The following CTPS2 variants were observed in gnomAD, a reference collection of about 807,000 sequenced individuals.
CTPS2 encodes the protein CTP synthase 2.
A neutral mutation model predicts 46.8 loss-of-function variants in CTPS2; 19 were observed. That is an observed-to-expected ratio of 0.41 (90% CI 0.28 to 0.60). The LOEUF (loss-of-function observed/expected upper bound fraction) is 0.60, where lower values mean the gene tolerates loss of function less well. Ranked by LOEUF, CTPS2 falls within the 20% of genes least tolerant of loss-of-function variation. CTPS2 has a pLI of 0.35. For missense variants in CTPS2, 286 were observed against 447.6 expected (o/e 0.64, Z 3.26); for synonymous variants, 151 against 165.2 (o/e 0.91, Z 0.66).
chrX:16,680,060 C>T (rs975158937), intron 9 of CTPS2, among the ~76,000 whole-genome samples: 5 of 110,963 alleles, frequency 4.5e-5, no homozygotes, highest in Non-Finnish European at 7.6e-5. Flanking sequence ...GAAACCAGCC[C>T]GGAAGCCGCT....
intron 15 of CTPS2, 68 bp downstream of exon 15, chrX:16,620,209 G>T: frequency 1.1e-6 from 1 of 928,643 alleles, no homozygotes; most frequent in Non-Finnish European, 1.5e-6. Flanking sequence ...CAGAGGCTCA[G>T]CTTGTAATCA....
At position 16,636,741 on chromosome X, in the gene CTPS2, G is replaced by A. The variant is rs188158986; in HGVS notation, c.1393+2406C>T. Among the ~76,000 whole-genome samples the A allele has an allele frequency of 3.5e-3, 383 of 110,338 alleles. 2 individuals are homozygous for A. The highest frequency in any genetic ancestry group is 0.012 in the African/African-American group (347 of 30,162). On this transcript the variant is annotated intron_variant, in intron 14 of 18. Coordinates refer to ENST00000359276, the MANE Select transcript of CTPS2 (RefSeq NM_175859.3). ...AGATCAAGACTATCCCGGCTAACAC[G>A]GTGAAACCCCATCTCTACTAAAAAT...
At chrX:16,672,564 G>A (rs1054941119) in intron 10 of CTPS2, among the ~76,000 whole-genome samples, 1 of 111,733 alleles carries the variant, frequency 8.9e-6, no homozygotes, top group African/African-American at 3.3e-5. Context: ...TTGCCAGTAA[G>A]ATATTGGGTG....
chrX:16,679,124 G>A (rs1468586364), intron 9 of CTPS2, among the ~76,000 whole-genome samples: 1 of 111,122 alleles, frequency 9.0e-6, no homozygotes, highest in African/African-American at 3.3e-5. Flanking sequence ...TTGGGAGGCC[G>A]AGGTGGGCAG....
chrX:16,659,445 AAC>A (rs1163568461), intron 13 of CTPS2, among the ~76,000 whole-genome samples: 1 of 110,850 alleles, frequency 9.0e-6, no homozygotes, highest in Non-Finnish European at 1.9e-5. Context: ...AGCCCAAGCA[AAC>A]ACATCATGCC....
chrX:16,685,739 C>T (rs1252498413), intron 8 of CTPS2, among the ~76,000 whole-genome samples: 14 of 106,278 alleles, frequency 1.3e-4, no homozygotes, highest in African/African-American at 4.4e-4. Flanking sequence ...TGGTGGTGGG[C>T]GCCTGTAGTC....
intron 1 of CTPS2, among the ~76,000 whole-genome samples, chrX:16,707,042 CAA>C (rs755553185): frequency 3.4e-5 from 3 of 89,514 alleles, no homozygotes; most frequent in Non-Finnish European, 4.5e-5. Flanking sequence ...GACTCTGTCT[CAA>C]AAAAAAAAAA....
chrX:16,653,793 T>A (rs1932757695), intron 13 of CTPS2, among the ~76,000 whole-genome samples: 1 of 112,207 alleles, frequency 8.9e-6, no homozygotes, highest in Non-Finnish European at 1.9e-5. Flanking sequence ...CGGTGGTTAG[T>A]TAAGGGGTTG....
chrX:16,688,700 C>T (rs1385900629), intron 8 of CTPS2, among the ~76,000 whole-genome samples: 1 of 111,581 alleles, frequency 9.0e-6, no homozygotes, highest in Non-Finnish European at 1.9e-5. Flanking sequence ...ACAAAACTAG[C>T]ATAGCCAAAA....
intron 1 of CTPS2, among the ~76,000 whole-genome samples, chrX:16,710,054 A>G (rs73630566): frequency 0.011 from 1,177 of 109,029 alleles, 20 homozygotes; most frequent in African/African-American, 0.038. Flanking sequence ...CCCCCAAGGC[A>G]AGTCATAGAA....
chrX:16,711,889 G>C (rs1925486351), intron 1 of CTPS2: 1 of 110,996 alleles, frequency 9.0e-6, no homozygotes, highest in African/African-American at 3.3e-5. Flanking sequence ...ACCGGGGAGA[G>C]GACAGAAAGG....
chrX:16,632,136 A>G (rs1230662751), intron 14 of CTPS2, among the ~76,000 whole-genome samples: 1 of 111,539 alleles, frequency 9.0e-6, no homozygotes, highest in African/African-American at 3.3e-5. Flanking sequence ...AACTTTCCAG[A>G]TAGTATAAGC....
At chrX:16,676,580 C>T (rs1270734945) in intron 10 of CTPS2, among the ~76,000 whole-genome samples, 3 of 112,257 alleles carry the variant, frequency 2.7e-5, no homozygotes, top group Non-Finnish European at 5.6e-5. Flanking sequence ...TTGTTCTTAC[C>T]ATGATTTGTC....
chrX:16,598,194 A>C (rs1929401718), intron 17 of CTPS2, among the ~76,000 whole-genome samples: 1 of 111,742 alleles, frequency 8.9e-6, no homozygotes, highest in African/African-American at 3.3e-5. Context: ...AGAAGACAAG[A>C]AATAACTAAA....
chrX:16,677,134 T>C (rs1922348509), intron 10 of CTPS2, among the ~76,000 whole-genome samples: 1 of 110,162 alleles, frequency 9.1e-6, no homozygotes, highest in Admixed American at 9.8e-5. Context: ...TGGGCATGTA[T>C]TGAAATCAGC....
At chrX:16,613,437 A>C (rs1223094184) in intron 16 of CTPS2, among the ~76,000 whole-genome samples, 1 of 111,805 alleles carries the variant, frequency 8.9e-6, no homozygotes, top group Non-Finnish European at 1.9e-5. Context: ...TAGGGATGGC[A>C]GTGCAATTCT....
At chrX:16,620,130 A>C (rs1049775555) in intron 15 of CTPS2, 147 bp downstream of exon 15, 4 of 368,797 alleles carry the variant, frequency 1.1e-5, no homozygotes, top group Non-Finnish European at 1.4e-5. Context: ...TCTCCTCTGG[A>C]AGTGGGAGAC....
chrX:16,669,319 A>G (rs1921519097), intron 11 of CTPS2, among the ~76,000 whole-genome samples: 1 of 109,765 alleles, frequency 9.1e-6, no homozygotes, highest in East Asian at 2.9e-4. Flanking sequence ...TGCTCCTCCG[A>G]TAGATACTTA....
intron 11 of CTPS2, among the ~76,000 whole-genome samples, chrX:16,669,435 G>A (rs764979784): frequency 9.2e-6 from 1 of 109,052 alleles, no homozygotes; most frequent in South Asian, 4.0e-4. Context: ...TGGGGGTGGC[G>A]GTGAGGGGGA....
Sources: gnomAD v4.1 joint callset for allele counts (sites outside exome capture counted in the v4.1 genomes callset) on GRCh38, gnomAD v4.1.1 for gene constraint, MANE v1.5 for transcripts, NCBI Gene and HGNC (gene_info 2026-07-23, HGNC 2026-07-21) for gene names.